Variants in GNAI1 observed in about 807,000 individuals in gnomAD.
GNAI1 encodes the protein G protein subunit alpha i1, also known as guanine nucleotide-binding protein G(i) subunit alpha-1.
A neutral mutation model predicts 38.9 loss-of-function variants in GNAI1; 11 were observed. The observed-to-expected ratio is 0.28, with a 90% CI of 0.18 to 0.47. The LOEUF (loss-of-function observed/expected upper bound fraction) is 0.47, where lower values mean the gene tolerates loss of function less well. GNAI1 is among the 20% of genes least tolerant of loss of function. The pLI, the probability that GNAI1 is intolerant of heterozygous loss-of-function variation, is 0.99. For missense variants in GNAI1, 317 were observed against 436.9 expected (o/e 0.73, Z 2.45); for synonymous variants, 166 against 145.1 (o/e 1.14, Z -1.04).
At position 80,188,351 on chromosome 7, in the gene GNAI1, A is replaced by T. The variant is rs1788423704; in HGVS notation, c.119-600A>T. 2.0e-5 allele frequency among the ~76,000 whole-genome samples: 3 copies of T among 152,244 alleles called. No homozygotes were observed. The South Asian group carries it at 6.2e-4, about 31-fold the overall frequency. On this transcript the variant is annotated intron_variant, in intron 1 of 7. Transcript: ENST00000649796. ...AGAGTCTTAAATAAAACTAATTTAT[A>T]CAGGTTTAATTTAACTTAGAGAAGA...
intron 1 of GNAI1, among the ~76,000 whole-genome samples, chr7:80,142,331 G>T (rs189117741): frequency 2.0e-5 from 3 of 152,162 alleles, no homozygotes; most frequent in African/African-American, 7.2e-5. Context: ...AACACTAAAA[G>T]CACCAGTTTC....
intron 1 of GNAI1, chr7:80,136,186 A>G: frequency 3.4e-6 from 1 of 296,760 alleles, no homozygotes; most frequent in Non-Finnish European, 5.0e-6. Flanking sequence ...CAGGGTTTTC[A>G]CTGAGGGAAG....
chr7:80,208,317 C>T (rs998860082), intron 5 of GNAI1, among the ~76,000 whole-genome samples: 2 of 152,104 alleles, frequency 1.3e-5, no homozygotes, highest in African/African-American at 4.8e-5. Flanking sequence ...GAAGATACTT[C>T]TAATATAAGT....
At chr7:80,200,425 C>G (rs1232596579) in intron 4 of GNAI1, among the ~76,000 whole-genome samples, 1 of 149,544 alleles carries the variant, frequency 6.7e-6, no homozygotes, top group Non-Finnish European at 1.5e-5. Flanking sequence ...ATTTGCCACA[C>G]ATACTCAAAA....
At chr7:80,197,502 G>A (rs1262164873) in intron 3 of GNAI1, among the ~76,000 whole-genome samples, 2 of 151,880 alleles carry the variant, frequency 1.3e-5, no homozygotes, top group African/African-American at 4.8e-5. Context: ...CTACTTAAGC[G>A]AAGAGTACTT....
intron 7 of GNAI1, among the ~76,000 whole-genome samples, chr7:80,213,246 G>T (rs965706349): frequency 6.6e-6 from 1 of 152,166 alleles, no homozygotes; most frequent in African/African-American, 2.4e-5. Flanking sequence ...CAATAGCAGT[G>T]CAACCTACTG....
chr7:80,170,611 C>T (rs184200285), intron 1 of GNAI1, among the ~76,000 whole-genome samples: 209 of 152,136 alleles, frequency 1.4e-3, no homozygotes, highest in Admixed American at 2.6e-3. Context: ...TGGTAGAACA[C>T]GAAGGGGAAG....
rs760262634 is a variant in GNAI1, at chr7:80,199,413, T to C, written c.461+31T>C. 5.4e-6 allele frequency: 8 copies of C among 1,490,232 alleles called. No individual in the cohort carries two copies. The Admixed American group carries it at 9.7e-5, about 18-fold the overall frequency. 92.3% of individuals were successfully genotyped at this position (1,490,232 alleles called of 1,614,324 possible). On this transcript the variant is annotated intron_variant, in intron 4 of 7. Coordinates refer to ENST00000649796, the MANE Select transcript of GNAI1 (RefSeq NM_002069.6). ...TAATCATAACTTCAGAACTAAACTA[T>C]CATGAATAATTACTTGCAAGTCAAA...
intron 1 of GNAI1, among the ~76,000 whole-genome samples, chr7:80,172,225 G>T (rs1788108623): frequency 1.3e-5 from 2 of 152,210 alleles, no homozygotes; most frequent in South Asian, 4.1e-4. Context: ...AGGCTGAAAG[G>T]TCTTTGGGTC....
chr7:80,169,617 G>A (rs113243323), intron 1 of GNAI1, among the ~76,000 whole-genome samples: 13 of 152,210 alleles, frequency 8.5e-5, no homozygotes, highest in African/African-American at 2.6e-4. Context: ...AGGTTTTTAA[G>A]TGTCATTCCC....
In GNAI1 at chr7:80,161,639, A is replaced by T. The variant is rs1335236096; in HGVS notation, c.118+26361A>T. ...TGCAATATAAACTCTCTTAGTTTTT[A>T]TTAAATTTAAATGTGTGTTAGCCTG... On this transcript the variant is annotated intron_variant, in intron 1 of 7. Coordinates refer to ENST00000649796, the MANE Select transcript of GNAI1 (RefSeq NM_002069.6). 3.3e-5 allele frequency among the ~76,000 whole-genome samples: 5 copies of T among 152,182 alleles called. No homozygotes were observed. In the East Asian group the frequency reaches 9.6e-4, roughly 29 times the overall value.
At position 80,220,946 on chromosome 7, in the gene GNAI1, T is replaced by C. The variant is rs945477416; in HGVS notation, c.*3453T>C. 2.0e-5 allele frequency among the ~76,000 whole-genome samples: 3 copies of C among 152,194 alleles called. No individual in the cohort carries two copies. The highest frequency in any genetic ancestry group is 4.8e-5 in the African/African-American group (2 of 41,448). On this transcript the variant is annotated 3_prime_UTR_variant, in exon 8 of 8. Coordinates refer to ENST00000649796, the MANE Select transcript of GNAI1 (RefSeq NM_002069.6). ...AAAAGGAGATACTTATTAATGTCTT[T>C]CATCAGAGCTATTTTTTACTCCTTA...
Position 80,167,417 on chromosome 7 carries a change from C to T in GNAI1, c.119-21534C>T, listed in dbSNP as rs567505481. Among the ~76,000 whole-genome samples the T allele has an allele frequency of 2.6e-5, 4 of 152,272 alleles. No homozygotes were observed. In the South Asian group the frequency reaches 6.2e-4, roughly 24 times the overall value. On this transcript the variant is annotated intron_variant, in intron 1 of 7. Transcript: ENST00000649796. ...GAAGTCTGGCAAAGGAAAAGATTTTCGTATTTTACTTCACCTGGAGTAGTA... is the reference window on the plus strand; with the variant it reads ...GAAGTCTGGCAAAGGAAAAGATTTTTGTATTTTACTTCACCTGGAGTAGTA...
At chr7:80,142,851 A>ACAT (rs1787550005) in intron 1 of GNAI1, among the ~76,000 whole-genome samples, 1 of 27,190 alleles carries the variant, frequency 3.7e-5, no homozygotes, top group Non-Finnish European at 2.0e-4. Flanking sequence ...GATTCTTGGT[A>ACAT]AATAAGTGGT....
At position 80,225,650 on chromosome 7, in the gene GNAI1, G is replaced by T. The variant is rs1789146769; in HGVS notation, c.*8157G>T. Among the ~76,000 whole-genome samples the T allele has an allele frequency of 6.6e-6, 1 of 152,138 alleles. No homozygotes were observed. Among genetic ancestry groups the T allele is most frequent in the Admixed American group, 6.5e-5 (1 of 15,276 alleles). ...TCTGCAGGACTTAAATCAGGATAGA[G>T]TATCAAATATTCCAAGGCCTTACAT... On this transcript the variant is annotated 3_prime_UTR_variant, in exon 8 of 8. Transcript: ENST00000649796.
At chr7:80,160,392 GA>G (rs781319764) in intron 1 of GNAI1, among the ~76,000 whole-genome samples, 10 of 151,824 alleles carry the variant, frequency 6.6e-5, no homozygotes, top group Non-Finnish European at 1.3e-4. Flanking sequence ...TTCTGTAAGA[GA>G]AGAACTGTTA....
At chr7:80,199,716 G>A (rs764758779) in intron 4 of GNAI1, among the ~76,000 whole-genome samples, 1 of 152,080 alleles carries the variant, frequency 6.6e-6, no homozygotes, top group Non-Finnish European at 1.5e-5. Flanking sequence ...TAGTTTACTT[G>A]GAGCTATGTT....
intron 1 of GNAI1, chr7:80,187,189 GT>G (rs1788399212): frequency 3.8e-4 from 9 of 23,646 alleles, no homozygotes; most frequent in East Asian, 2.8e-3. Context: ...TGATTTGGGT[GT>G]GTGTGTGTGT....
chr7:80,181,501 T>C (rs1788292504), intron 1 of GNAI1, among the ~76,000 whole-genome samples: 1 of 152,230 alleles, frequency 6.6e-6, no homozygotes, highest in African/African-American at 2.4e-5. Context: ...CCTCTGGTCC[T>C]CCACCCTTCC....
Sources: allele counts gnomAD v4.1 joint callset (sites outside exome capture counted in the v4.1 genomes callset), GRCh38; gene constraint gnomAD v4.1.1; transcripts MANE v1.5; gene names NCBI Gene and HGNC (gene_info 2026-07-23, HGNC 2026-07-21).